HERC1: variants seen among roughly 807,000 people sequenced by gnomAD.
HERC1 encodes HECT and RLD domain containing E3 ubiquitin protein ligase family member 1, also known as probable E3 ubiquitin-protein ligase HERC1.
HERC1 carries 160 observed loss-of-function variants against 554.3 expected under a neutral mutation model. The observed-to-expected ratio is 0.29, with a 90% CI of 0.25 to 0.33. The LOEUF is 0.33. Among genes scored for constraint, HERC1 ranks in the 10% least tolerant of loss-of-function variants. The pLI, the probability that HERC1 is intolerant of heterozygous loss-of-function variation, is 1.00. For synonymous variants in HERC1, 2,175 were observed against 2,131.7 expected, an observed-to-expected ratio of 1.02 and a Z score of -0.56; for missense variants, 4,919 against 5,918.5, an observed-to-expected ratio of 0.83 and a Z score of 5.54.
In HERC1 at chr15:63,758,152, T is replaced by C. The variant is rs756757636; in HGVS notation, c.1221+23A>G. 341 of 1,550,190 alleles carry C rather than the reference T, an allele frequency of 2.2e-4. No homozygotes were observed. Among genetic ancestry groups the C allele is most frequent in the Non-Finnish European group, 2.9e-4 (325 of 1,127,862 alleles). ...ATATACACCAGATTATCTACCAGTTTGTAAGCTATTTAGAAAACTTACGGT... is the reference window on the plus strand; with the variant it reads ...ATATACACCAGATTATCTACCAGTTCGTAAGCTATTTAGAAAACTTACGGT... On this transcript the variant is annotated intron_variant, in intron 4 of 77. Transcript: ENST00000443617. This position sits in a 1 kb window ranked among gnomAD's most constrained non-coding sequence, Gnocchi z 4.0.
Position 63,643,627 on chromosome 15 carries a change from A to G in HERC1, c.11185-77T>C. ...TTCAAGATTTATCATTCACTCTTGG[A>G]AATTTTATATTTCAGAATAAAATTG... On this transcript the variant is annotated intron_variant, in intron 57 of 77. Transcript: ENST00000443617. 6 of 1,119,716 alleles carry G rather than the reference A, an allele frequency of 5.4e-6. No homozygotes were observed. The South Asian group carries it at 1.0e-4, about 19-fold the overall frequency. The allele number at this position is 1,119,716 out of a possible 1,614,324, so 69.4% of individuals were successfully genotyped here. A position where few individuals can be genotyped will look rare whatever the true frequency, so the allele number is the denominator to read the frequency against.
intron 10 of HERC1, among the ~76,000 whole-genome samples, chr15:63,748,661 T>C (rs1015673551): frequency 3.9e-5 from 6 of 152,202 alleles, no homozygotes; most frequent in Non-Finnish European, 8.8e-5. Context: ...AACTTATTTA[T>C]TTTGGCTTTT....
intron 25 of HERC1, among the ~76,000 whole-genome samples, chr15:63,701,087 T>C (rs747877524): frequency 8.5e-4 from 130 of 152,086 alleles, no homozygotes; most frequent in Non-Finnish European, 1.4e-3. Flanking sequence ...TTACTAATAC[T>C]TATAAATTAC....
At position 63,692,680 on chromosome 15, in the gene HERC1, C is replaced by T; in HGVS notation, c.5675-114G>A. ...CACAAATCTAATGCAAAATCTTAGG[C>T]TGTCAGCTACTGAATTCTGAAAACT... On this transcript the variant is annotated intron_variant, in intron 30 of 77. Transcript: ENST00000443617. The surrounding 1 kb of genome is among the most constrained non-coding windows in gnomAD (Gnocchi z 4.7). 1.1e-6 allele frequency: 1 copy of T among 874,154 alleles called. No individual in the cohort carries two copies. The highest frequency in any genetic ancestry group is 1.7e-6 in the Non-Finnish European group (1 of 595,600). 54.1% of individuals were successfully genotyped at this position (874,154 alleles called of 1,614,324 possible).
intron 25 of HERC1, among the ~76,000 whole-genome samples, chr15:63,705,310 C>T (rs747096247): frequency 3.9e-5 from 6 of 151,952 alleles, no homozygotes; most frequent in South Asian, 2.1e-4. Flanking sequence ...CATGCATCCA[C>T]GCCTAGCTTT....
At chr15:63,761,655 T>C (rs1015866005) in intron 3 of HERC1, among the ~76,000 whole-genome samples, 1 of 151,958 alleles carries the variant, frequency 6.6e-6, no homozygotes, top group African/African-American at 2.4e-5. Flanking sequence ...ATACAATTAT[T>C]AAAAAACAGG....
intron 2 of HERC1, among the ~76,000 whole-genome samples, chr15:63,765,505 A>C (rs920699520): frequency 1.3e-5 from 2 of 152,126 alleles, no homozygotes; most frequent in Non-Finnish European, 2.9e-5. Flanking sequence ...ACTGATCTTA[A>C]GTCTAAAAAG....
chr15:63,672,204 T>C (rs888310424), intron 39 of HERC1, among the ~76,000 whole-genome samples: 3 of 151,882 alleles, frequency 2.0e-5, no homozygotes, highest in African/African-American at 7.3e-5. Flanking sequence ...CTCAAAAACT[T>C]AGGGGAAAAA....
At chr15:63,709,894 G>A (rs915956706) in intron 24 of HERC1, among the ~76,000 whole-genome samples, 4 of 152,188 alleles carry the variant, frequency 2.6e-5, no homozygotes, top group African/African-American at 9.7e-5. Context: ...GGGACAACTG[G>A]GAGAGTAAGG....
intron 63 of HERC1, among the ~76,000 whole-genome samples, 163 bp from the exon 64 acceptor site, chr15:63,637,806 G>A (rs2068850788): frequency 6.7e-6 from 1 of 149,322 alleles, no homozygotes; most frequent in Non-Finnish European, 1.5e-5. Flanking sequence ...GTAACTCCTT[G>A]ATGACTATAA....
At position 63,727,774 on chromosome 15, in the gene HERC1, G is replaced by C. The variant is rs2074098949; in HGVS notation, c.3219C>G (p.Leu1073=). ...LCQIVNSLLL[L]PVSVARPLLS... ...ATAAAGGCCGAGCCACTGACACAGG[G>C]AGTAACAGCAGGGAGTTAACAATCT... is the stretch of plus-strand genomic sequence containing the variant. Residue 1073 remains leucine (L), a synonymous_variant, in exon 17 of 78, where the codon CTC becomes CTG. Transcript: ENST00000443617. The surrounding 1 kb of genome is among the most constrained non-coding windows in gnomAD (Gnocchi z 4.3). The C allele has an allele frequency of 6.2e-7, 1 of 1,613,848 alleles. No individual in the cohort carries two copies.
At position 63,718,585 on chromosome 15, in the gene HERC1, G is replaced by A. The variant is rs377537305; in HGVS notation, c.3967C>T (p.Arg1323Trp). ...ATTTCAAACTTTACCCATCTGTCCC[G>A]TGATGATGACCTTGTTTGAATAAGT... ...LELIQTRSSS[R>W]DRWISENQDS... Residue 1323 changes from arginine to tryptophan, a missense_variant, in exon 21 of 78, where the codon CGG becomes TGG. Physicochemically the swap from Arg to Trp is moderately radical, Grantham distance 101. Transcript: ENST00000443617. This position sits in a 1 kb window ranked among gnomAD's most constrained non-coding sequence, Gnocchi z 4.2. The A allele has an allele frequency of 1.1e-5, 18 of 1,579,554 alleles. No individual in the cohort carries two copies. The highest frequency in any genetic ancestry group is 3.6e-5 in the Admixed American group (2 of 54,852).
At chr15:63,829,587 AT>A (rs1178309932) in intron 1 of HERC1, among the ~76,000 whole-genome samples, 6 of 136,306 alleles carry the variant, frequency 4.4e-5, no homozygotes, top group African/African-American at 1.4e-4. Flanking sequence ...ATATATATAT[AT>A]ATATATAATA....
chr15:63,826,747 CCGAATGACTA>C (rs1160451445), intron 1 of HERC1, among the ~76,000 whole-genome samples: 1 of 133,892 alleles, frequency 7.5e-6, no homozygotes, highest in Non-Finnish European at 1.6e-5. Context: ...AAGGGGTCAC[CCGAATGACTA>C]CTATTCTTTT....
intron 70 of HERC1, among the ~76,000 whole-genome samples, chr15:63,628,291 C>G (rs1018940762): frequency 1.3e-5 from 2 of 152,072 alleles, no homozygotes; most frequent in Non-Finnish European, 2.9e-5. Context: ...ACTTGGGAGG[C>G]TGAGGCAGCA....
intron 76 of HERC1, among the ~76,000 whole-genome samples, chr15:63,614,870 A>T (rs547605662): frequency 1.5e-4 from 23 of 152,352 alleles, no homozygotes; most frequent in Middle Eastern, 3.4e-3. Context: ...TTGAGGAAAC[A>T]AGACCTAAAT....
chr15:63,644,946 T>C (rs374357040), intron 57 of HERC1, 46 bp downstream of exon 57: 14 of 1,389,536 alleles, frequency 1.0e-5, no homozygotes, highest in Non-Finnish European at 1.0e-5. Context: ...TGATGTCATA[T>C]ACTTTCCATA....
At chr15:63,620,499 A>G (rs1480781077) in intron 74 of HERC1, among the ~76,000 whole-genome samples, 1 of 152,096 alleles carries the variant, frequency 6.6e-6, no homozygotes, top group Admixed American at 6.6e-5. Flanking sequence ...TTCTGTAGAT[A>G]TCTATTAGGT....
chr15:63,674,693 C>A lies in HERC1; in HGVS notation c.7495G>T (p.Ala2499Ser). 6.2e-7 allele frequency: 1 copy of A among 1,613,686 alleles called. No individual in the cohort carries two copies. Among genetic ancestry groups the A allele is most frequent in the African/African-American group, 1.3e-5 (1 of 75,030 alleles). ...TGGACTGCTCTGATTTCTGACTGGG[C>A]TACATCATGGTTTTTGGACATGTGT... ...HEHMSKNHDV[A>S]QSEIRAVQLS... is the part of the protein sequence containing the mutation. The change falls in exon 38 of 78, where the codon GCC becomes TCC. Residue 2499 changes from alanine to serine, a missense_variant. Coordinates refer to ENST00000443617, the MANE Select transcript of HERC1 (RefSeq NM_003922.4).
Sources: gnomAD v4.1 joint callset for allele counts (sites outside exome capture counted in the v4.1 genomes callset) on GRCh38, gnomAD v4.1.1 for gene constraint, Gnocchi (gnomAD v3.1) non-coding constraint, MANE v1.5 for transcripts, NCBI Gene and HGNC (gene_info 2026-07-23, HGNC 2026-07-21) for gene names.